ANKS1B: variants seen among roughly 807,000 people sequenced by gnomAD.
ANKS1B encodes the protein ankyrin repeat and sterile alpha motif domain containing 1B.
Under a neutral mutation model 148.3 loss-of-function variants are expected in ANKS1B, and 36 were observed. The observed-to-expected ratio is 0.24, with a 90% CI of 0.19 to 0.32. ANKS1B has a LOEUF of 0.32. Among genes scored for constraint, ANKS1B ranks in the 10% least tolerant of loss-of-function variants. The probability of loss-of-function intolerance (pLI) is 1.00; values close to 1 mark genes in which losing one functional copy is unlikely to be tolerated. For missense variants in ANKS1B, 1,157 were observed against 1,542.6 expected (o/e 0.75, Z 4.19); for synonymous variants, 542 against 560.8 (o/e 0.97, Z 0.47).
At chr12:99,609,226 CT>C (rs2097878184) in intron 9 of ANKS1B, among the ~76,000 whole-genome samples, 1 of 151,944 alleles carries the variant, frequency 6.6e-6, no homozygotes, top group African/African-American at 2.4e-5. Context: ...ACCATACAGC[CT>C]TTTAAAAAAA....
At chr12:98,886,166 A>G (rs2099739611) in intron 17 of ANKS1B, among the ~76,000 whole-genome samples, 1 of 152,242 alleles carries the variant, frequency 6.6e-6, no homozygotes, top group Admixed American at 6.5e-5. Flanking sequence ...TTCCTACTGT[A>G]GAATAACGAG....
intron 1 of ANKS1B, among the ~76,000 whole-genome samples, chr12:99,874,221 A>G (rs146386350): frequency 0.012 from 1,762 of 152,096 alleles, 102 homozygotes; most frequent in Admixed American, 0.092. Flanking sequence ...ATGCAATTTG[A>G]CCATAATATA....
At chr12:99,537,056 G>A (rs2097077144) in intron 9 of ANKS1B, among the ~76,000 whole-genome samples, 1 of 152,092 alleles carries the variant, frequency 6.6e-6, no homozygotes, top group Admixed American at 6.5e-5. Flanking sequence ...AAGATCTCCA[G>A]TTCCATCCAT....
intron 1 of ANKS1B, among the ~76,000 whole-genome samples, chr12:99,917,842 A>C (rs931282910): frequency 4.6e-5 from 7 of 152,188 alleles, no homozygotes; most frequent in African/African-American, 1.4e-4. Flanking sequence ...GCCTGCAGAG[A>C]GGTAACTCTC....
chr12:99,514,970 A>G (rs972841954), intron 9 of ANKS1B, among the ~76,000 whole-genome samples: 5 of 151,956 alleles, frequency 3.3e-5, no homozygotes, highest in African/African-American at 1.2e-4. Context: ...ATAGATTAGT[A>G]GTTTTTGCTT....
intron 17 of ANKS1B, among the ~76,000 whole-genome samples, chr12:98,932,894 T>A (rs945042782): frequency 2.0e-5 from 3 of 152,214 alleles, no homozygotes; most frequent in Non-Finnish European, 4.4e-5. Context: ...TTACTGCCAA[T>A]CTCCTTAAAG....
chr12:99,305,064 C>T (rs761903434), intron 12 of ANKS1B, among the ~76,000 whole-genome samples: 14 of 151,924 alleles, frequency 9.2e-5, no homozygotes, highest in East Asian at 3.9e-4. Flanking sequence ...AGGCCAAGGG[C>T]GGTGGGGGGC....
chr12:99,333,491 A>G (rs965149349), intron 12 of ANKS1B, among the ~76,000 whole-genome samples: 1 of 152,046 alleles, frequency 6.6e-6, no homozygotes, highest in African/African-American at 2.4e-5. Flanking sequence ...CTTCTGTACC[A>G]ATCACTGGGT....
At chr12:99,079,119 T>G (rs533034733) in intron 16 of ANKS1B, among the ~76,000 whole-genome samples, 121 of 152,308 alleles carry the variant, frequency 7.9e-4, no homozygotes, top group African/African-American at 2.8e-3. Context: ...CCTCTTGACT[T>G]GAGTCTTGAG....
At chr12:99,537,974 T>C (rs937495091) in intron 9 of ANKS1B, among the ~76,000 whole-genome samples, 5 of 152,148 alleles carry the variant, frequency 3.3e-5, no homozygotes, top group Non-Finnish European at 7.4e-5. Flanking sequence ...ATTCTGCATA[T>C]AGATATCCAG....
chr12:99,766,537 T>C (rs1472999452), intron 8 of ANKS1B, among the ~76,000 whole-genome samples: 1 of 152,130 alleles, frequency 6.6e-6, no homozygotes. Context: ...GTTAATGGTA[T>C]TGTTTTCAAT....
At chr12:98,797,990 G>T (rs1049536946) in intron 22 of ANKS1B, among the ~76,000 whole-genome samples, 2 of 152,158 alleles carry the variant, frequency 1.3e-5, no homozygotes, top group Admixed American at 1.3e-4. Flanking sequence ...CTATACACCT[G>T]TTATGGAGGA....
intron 1 of ANKS1B, among the ~76,000 whole-genome samples, chr12:99,890,705 C>A (rs148086674): frequency 1.3e-5 from 2 of 150,916 alleles, no homozygotes; most frequent in African/African-American, 4.9e-5. Context: ...AGAAACCATG[C>A]TAAATTATTC....
intron 14 of ANKS1B, among the ~76,000 whole-genome samples, chr12:99,186,644 G>A (rs955383740): frequency 2.6e-5 from 4 of 152,198 alleles, no homozygotes; most frequent in African/African-American, 9.6e-5. Context: ...CTGCAGCAGA[G>A]GGGCCTGACT....
In ANKS1B at chr12:99,806,566, TGCC is replaced by T; in HGVS notation, c.504_506del (p.Ala169del). On this transcript the variant is annotated inframe_deletion, in exon 4 of 27. Coordinates refer to ENST00000683438, the MANE Select transcript of ANKS1B (RefSeq NM_001352186.2). ...TTACCACTCTAAGCCGTCCGTAGAGTGCCGCCAAGTCCAAAGGTGTTTCCAGCT... is the reference window on the plus strand; with the variant it reads ...TTACCACTCTAAGCCGTCCGTAGAGTGCCAAGTCCAAAGGTGTTTCCAGCT... 6.2e-7 allele frequency: 1 copy of T among 1,613,888 alleles called. No individual in the cohort carries two copies. The highest frequency in any genetic ancestry group is 8.5e-7 in the Non-Finnish European group (1 of 1,179,862).
At chr12:99,839,454 T>C (rs1555208475) in intron 1 of ANKS1B, among the ~76,000 whole-genome samples, 3 of 152,106 alleles carry the variant, frequency 2.0e-5, no homozygotes, top group Non-Finnish European at 4.4e-5. Flanking sequence ...AACCTCACTG[T>C]ATTGTGAGAA....
At chr12:99,207,063 G>A (rs1378630936) in intron 14 of ANKS1B, among the ~76,000 whole-genome samples, 1 of 152,132 alleles carries the variant, frequency 6.6e-6, no homozygotes, top group East Asian at 1.9e-4. Flanking sequence ...TGTGACAAAT[G>A]TTAATCTTCC....
At chr12:99,587,554 G>A (rs546481267) in intron 9 of ANKS1B, among the ~76,000 whole-genome samples, 3 of 152,198 alleles carry the variant, frequency 2.0e-5, no homozygotes, top group South Asian at 4.2e-4. Context: ...ATTTGATAAG[G>A]TCTTTTCTAA....
At chr12:99,772,102 A>G (rs1746510398) in intron 8 of ANKS1B, among the ~76,000 whole-genome samples, 1 of 152,130 alleles carries the variant, frequency 6.6e-6, no homozygotes, top group Admixed American at 6.5e-5. Context: ...CTTCCTCTAC[A>G]GGACAAAAAG....
Sources: allele counts gnomAD v4.1 joint callset (sites outside exome capture counted in the v4.1 genomes callset), GRCh38; gene constraint gnomAD v4.1.1; transcripts MANE v1.5; gene names NCBI Gene and HGNC (gene_info 2026-07-23, HGNC 2026-07-21).